The following XYLT1 variants were observed in gnomAD, a reference collection of about 807,000 sequenced individuals.
XYLT1 encodes xylosyltransferase 1, also known as beta-D-xylosyltransferase 1.
XYLT1 carries 36 observed loss-of-function variants against 91.3 expected under a neutral mutation model. That is an observed-to-expected ratio of 0.39 (90% CI 0.30 to 0.52). XYLT1 has a LOEUF of 0.52. Among genes scored for constraint, XYLT1 ranks in the 20% least tolerant of loss-of-function variants. The pLI, the probability that XYLT1 is intolerant of heterozygous loss-of-function variation, is 0.68. For synonymous variants in XYLT1, 588 were observed against 532.0 expected (o/e 1.11, Z -1.45); for missense variants, 1,242 against 1,284.5 (o/e 0.97, Z 0.51).
intron 4 of XYLT1, among the ~76,000 whole-genome samples, chr16:17,198,980 G>A (rs1217984312): frequency 2.0e-5 from 3 of 152,158 alleles, no homozygotes; most frequent in Non-Finnish European, 4.4e-5. Flanking sequence ...CTGACCTCAG[G>A]TGATCCGCCC....
intron 7 of XYLT1, 43 bp from the exon 8 acceptor site, chr16:17,138,574 T>G (rs2030855262): frequency 6.3e-7 from 1 of 1,593,340 alleles, no homozygotes; most frequent in African/African-American, 1.3e-5. Flanking sequence ...TCTCCCAGCC[T>G]CCCACAGATG....
intron 1 of XYLT1, among the ~76,000 whole-genome samples, chr16:17,363,881 G>A (rs1415008404): frequency 6.6e-6 from 1 of 152,144 alleles, no homozygotes; most frequent in East Asian, 1.9e-4. Flanking sequence ...CTTTTGCCGT[G>A]TTGGCCAGGC....
chr16:17,216,532 T>C (rs909698924), intron 3 of XYLT1, among the ~76,000 whole-genome samples: 1 of 152,164 alleles, frequency 6.6e-6, no homozygotes, highest in Non-Finnish European at 1.5e-5. Context: ...CCAAATCGTT[T>C]CCCATTTGTC....
intron 1 of XYLT1, among the ~76,000 whole-genome samples, chr16:17,419,413 T>C (rs1340080602): frequency 1.3e-5 from 2 of 152,126 alleles, no homozygotes; most frequent in Non-Finnish European, 2.9e-5. Flanking sequence ...GGGGTCTCTA[T>C]GCCCTCTATG....
At chr16:17,450,253 G>A (rs113892739) in intron 1 of XYLT1, among the ~76,000 whole-genome samples, 4,617 of 152,094 alleles carry the variant, frequency 0.03, 212 homozygotes, top group African/African-American at 0.1. Flanking sequence ...CAGGAGAATC[G>A]CTTGAACCCA....
intron 5 of XYLT1, among the ~76,000 whole-genome samples, chr16:17,171,919 G>C (rs531383189): frequency 3.3e-5 from 5 of 152,254 alleles, no homozygotes; most frequent in Non-Finnish European, 5.9e-5. Flanking sequence ...AGAGGAAGGA[G>C]GCTGGCATCT....
chr16:17,417,349 T>A (rs932499746), intron 1 of XYLT1, among the ~76,000 whole-genome samples: 3 of 152,078 alleles, frequency 2.0e-5, no homozygotes, highest in Non-Finnish European at 2.9e-5. Context: ...TCCATCACAA[T>A]TCCCTCATTC....
At chr16:17,398,702 T>C (rs2035921700) in intron 1 of XYLT1, among the ~76,000 whole-genome samples, 1 of 152,052 alleles carries the variant, frequency 6.6e-6, no homozygotes, top group Non-Finnish European at 1.5e-5. Flanking sequence ...TCCTGGCTTC[T>C]GGTGGTCTGC....
intron 5 of XYLT1, among the ~76,000 whole-genome samples, chr16:17,165,437 A>G (rs1237529191): frequency 6.6e-6 from 1 of 152,132 alleles, no homozygotes; most frequent in Non-Finnish European, 1.5e-5. Context: ...CTGTAATCTC[A>G]GCACTTTGGG....
At chr16:17,151,151 CGTG>C (rs1457328659) in intron 6 of XYLT1, among the ~76,000 whole-genome samples, 1 of 152,128 alleles carries the variant, frequency 6.6e-6, no homozygotes, top group Non-Finnish European at 1.5e-5. Flanking sequence ...TCAGGCTGGG[CGTG>C]GTGGCTCACG....
At chr16:17,356,265 T>A (rs540420209) in intron 2 of XYLT1, among the ~76,000 whole-genome samples, 1 of 152,282 alleles carries the variant, frequency 6.6e-6, no homozygotes, top group East Asian at 1.9e-4. Flanking sequence ...TATTTTTAGG[T>A]GACTTTATAG....
intron 2 of XYLT1, among the ~76,000 whole-genome samples, chr16:17,280,907 G>C (rs1181453029): frequency 6.6e-6 from 1 of 152,080 alleles, no homozygotes; most frequent in East Asian, 1.9e-4. Context: ...ACAGCATTTA[G>C]TTCACCAATT....
chr16:17,416,724 G>A (rs934513355), intron 1 of XYLT1, among the ~76,000 whole-genome samples: 3 of 152,184 alleles, frequency 2.0e-5, no homozygotes, highest in African/African-American at 2.4e-5. Context: ...ACAGATTTAC[G>A]GAATTCTCAG....
At chr16:17,434,446 T>A (rs887650525) in intron 1 of XYLT1, among the ~76,000 whole-genome samples, 1 of 152,226 alleles carries the variant, frequency 6.6e-6, no homozygotes, top group South Asian at 2.1e-4. Flanking sequence ...GAAGATGCAT[T>A]ACTTGTCATT....
At chr16:17,135,565 A>G (rs897806880) in intron 8 of XYLT1, among the ~76,000 whole-genome samples, 1 of 134,828 alleles carries the variant, frequency 7.4e-6, no homozygotes, top group African/African-American at 3.4e-5. Flanking sequence ...GTGTAGCTCA[A>G]AAAAAAAAAA....
chr16:17,324,566 A>C (rs2034771347), intron 2 of XYLT1, among the ~76,000 whole-genome samples: 1 of 152,260 alleles, frequency 6.6e-6, no homozygotes, highest in Admixed American at 6.5e-5. Context: ...TTACTATAAA[A>C]GCTGCTGAAA....
intron 2 of XYLT1, among the ~76,000 whole-genome samples, chr16:17,273,875 ATGT>A (rs1219701651): frequency 6.6e-6 from 1 of 151,242 alleles, no homozygotes; most frequent in Non-Finnish European, 1.5e-5. Context: ...AGAAGTGCTA[ATGT>A]TGTTGCACCC....
At chr16:17,167,167 A>G (rs1567304739) in intron 5 of XYLT1, among the ~76,000 whole-genome samples, 1 of 152,332 alleles carries the variant, frequency 6.6e-6, no homozygotes, top group East Asian at 1.9e-4. Context: ...GCTGTTTTCA[A>G]TCCCGCTTTC....
intron 1 of XYLT1, among the ~76,000 whole-genome samples, chr16:17,421,391 T>C (rs1264335507): frequency 6.6e-6 from 1 of 152,222 alleles, no homozygotes. Context: ...GAGGTGGGAC[T>C]TATTTTTCCC....
Sources: allele counts gnomAD v4.1 joint callset (sites outside exome capture counted in the v4.1 genomes callset), GRCh38; gene constraint gnomAD v4.1.1; transcripts MANE v1.5; gene names NCBI Gene and HGNC (gene_info 2026-07-23, HGNC 2026-07-21).